ANKRD31: variants seen among roughly 807,000 people sequenced by gnomAD.
ANKRD31 encodes the protein ankyrin repeat domain-containing protein 31.
ANKRD31 carries 147 observed loss-of-function variants against 186.0 expected under a neutral mutation model. That is an observed-to-expected ratio of 0.79 (90% confidence interval 0.69 to 0.91). The LOEUF (loss-of-function observed/expected upper bound fraction) is 0.91. Ranked by LOEUF, ANKRD31 falls within the 40% of genes least tolerant of loss-of-function variation. The pLI is 0.00. For synonymous variants in ANKRD31, 673 were observed against 736.4 expected (o/e 0.91, Z 1.39); for missense variants, 1,986 against 2,148.8 (o/e 0.92, Z 1.50).
At chr5:75,205,590 A>G (rs1756126552) in intron 5 of ANKRD31, among the ~76,000 whole-genome samples, 1 of 152,234 alleles carries the variant, frequency 6.6e-6, no homozygotes, top group African/African-American at 2.4e-5. Flanking sequence ...AAACAATATT[A>G]AAGACCAAAC....
chr5:75,114,088 A>C (rs1471067330), intron 19 of ANKRD31, among the ~76,000 whole-genome samples: 2 of 152,196 alleles, frequency 1.3e-5, no homozygotes, highest in African/African-American at 4.8e-5. Context: ...TGTCCAACTA[A>C]GAATTTCAAT....
chr5:75,191,763 G>A (rs190598650), intron 9 of ANKRD31, among the ~76,000 whole-genome samples: 12 of 151,884 alleles, frequency 7.9e-5, no homozygotes, highest in East Asian at 1.9e-4. Context: ...AGTATGATAC[G>A]TTTCTTATTA....
At chr5:75,130,079 C>T (rs6871689) in intron 17 of ANKRD31, among the ~76,000 whole-genome samples, 31,167 of 152,034 alleles carry the variant, frequency 0.2, 3,415 homozygotes, top group South Asian at 0.39. Context: ...TTCTGATGTT[C>T]GGACGTGTCC....
intron 3 of ANKRD31, among the ~76,000 whole-genome samples, chr5:75,214,401 T>C (rs1488343408): frequency 6.6e-6 from 1 of 152,232 alleles, no homozygotes; most frequent in African/African-American, 2.4e-5. Context: ...AAGTATACCA[T>C]TGGCAGTAGT....
intron 21 of ANKRD31, 53 bp from the exon 22 acceptor site, chr5:75,105,271 A>C (rs60999484): frequency 2.1e-6 from 3 of 1,424,784 alleles, no homozygotes; most frequent in Non-Finnish European, 2.7e-6. Context: ...AAAACTTTTC[A>C]AAGCGGTCAC....
At chr5:75,099,069 G>C (rs1219076621) in intron 22 of ANKRD31, among the ~76,000 whole-genome samples, 1 of 152,058 alleles carries the variant, frequency 6.6e-6, no homozygotes, top group Non-Finnish European at 1.5e-5. Flanking sequence ...CTGTGGGTTT[G>C]TCATAAATAG....
intron 12 of ANKRD31, among the ~76,000 whole-genome samples, chr5:75,150,684 G>T (rs16872430): frequency 0.22 from 32,885 of 151,710 alleles, 3,731 homozygotes; most frequent in South Asian, 0.39. Context: ...GGTGAAGAGG[G>T]TATTCTGGAT....
At chr5:75,154,069 A>G in intron 12 of ANKRD31, 132 bp downstream of exon 12, 1 of 873,208 alleles carries the variant, frequency 1.1e-6, no homozygotes, top group East Asian at 3.0e-5. Flanking sequence ...TAACAGAATG[A>G]AGAAAAGACA....
chr5:75,147,624 C>G, intron 13 of ANKRD31, 119 bp from the exon 14 acceptor site: 1 of 810,928 alleles, frequency 1.2e-6, no homozygotes, highest in Non-Finnish European at 1.8e-6. Flanking sequence ...CTAATTCAAT[C>G]TAACCACAGA....
At chr5:75,174,292 G>T (rs1753592218) in intron 10 of ANKRD31, among the ~76,000 whole-genome samples, 2 of 152,082 alleles carry the variant, frequency 1.3e-5, no homozygotes, top group Non-Finnish European at 2.9e-5. Context: ...GAAAACCTAG[G>T]CAATACCATT....
At chr5:75,117,802 C>T (rs976980119) in intron 18 of ANKRD31, among the ~76,000 whole-genome samples, 11 of 152,016 alleles carry the variant, frequency 7.2e-5, no homozygotes, top group Non-Finnish European at 1.2e-4. Flanking sequence ...AGTATAATGT[C>T]GCCCTTTTCC....
intron 10 of ANKRD31, among the ~76,000 whole-genome samples, chr5:75,185,224 A>C (rs1399056158): frequency 6.6e-6 from 1 of 152,090 alleles, no homozygotes; most frequent in Non-Finnish European, 1.5e-5. Context: ...TGGGAGGGGA[A>C]AAATTAGGAA....
At chr5:75,201,233 T>C (rs919112655) in intron 5 of ANKRD31, among the ~76,000 whole-genome samples, 2 of 152,082 alleles carry the variant, frequency 1.3e-5, no homozygotes, top group African/African-American at 4.8e-5. Flanking sequence ...GCTATGAAAA[T>C]CAGTTAGGAG....
At chr5:75,165,392 T>C (rs561100349) in intron 11 of ANKRD31, among the ~76,000 whole-genome samples, 216 of 152,276 alleles carry the variant, frequency 1.4e-3, no homozygotes, top group Non-Finnish European at 2.7e-3. Flanking sequence ...ATATTGTAAG[T>C]ATATTAGATG....
chr5:75,102,868 C>G (rs900139846), intron 22 of ANKRD31, among the ~76,000 whole-genome samples: 1 of 152,110 alleles, frequency 6.6e-6, no homozygotes, highest in Non-Finnish European at 1.5e-5. Flanking sequence ...TTCCCGGACC[C>G]CTTGCACTTT....
chr5:75,126,294 T>C (rs4404659), intron 17 of ANKRD31, among the ~76,000 whole-genome samples: 76,850 of 151,846 alleles, frequency 0.51, 22,403 homozygotes, highest in African/African-American at 0.82. Flanking sequence ...ATACAAAAAT[T>C]AGGTGGGCAT....
Position 75,148,599 on chromosome 5 carries a change from T to C in ANKRD31, c.1882A>G (p.Ile628Val), listed in dbSNP as rs774631129. Reference protein sequence around the residue: ...AQRSSIDPLDIEDVYQHKKPK... With the variant: ...AQRSSIDPLDVEDVYQHKKPK... ...ACCTTGTGTTGGTACACATCCTCTATGTCTAGTGGGTCAATGCTACTCCTT... is the reference window on the plus strand; with the variant it reads ...ACCTTGTGTTGGTACACATCCTCTACGTCTAGTGGGTCAATGCTACTCCTT... The change falls in exon 13 of 26, where the codon ATA (isoleucine) becomes GTA (valine). Residue 628 changes from isoleucine (I) to valine (V), a missense_variant. Physicochemically the swap from Ile to Val is conservative, Grantham distance 29. Coordinates refer to ENST00000506364, the MANE Select transcript of ANKRD31 (RefSeq NM_001372053.1). 2 of 1,526,790 alleles carry C rather than the reference T, an allele frequency of 1.3e-6. No individual in the cohort carries two copies. The highest frequency in any genetic ancestry group is 1.8e-6 in the Non-Finnish European group (2 of 1,141,012). The allele number at this position is 1,526,790 out of a possible 1,614,324, so 94.6% of individuals were successfully genotyped here.
intron 11 of ANKRD31, among the ~76,000 whole-genome samples, chr5:75,158,992 T>C (rs1752395309): frequency 6.6e-6 from 1 of 151,992 alleles, no homozygotes; most frequent in Non-Finnish European, 1.5e-5. Context: ...AGAAAAAATA[T>C]GTTGATAATT....
At chr5:75,180,386 T>G (rs12514813) in intron 10 of ANKRD31, among the ~76,000 whole-genome samples, 76,721 of 151,896 alleles carry the variant, frequency 0.51, 22,309 homozygotes, top group African/African-American at 0.81. Flanking sequence ...AAAACTACTT[T>G]AAAGTTCATA....
Sources: allele counts gnomAD v4.1 joint callset (sites outside exome capture counted in the v4.1 genomes callset), GRCh38; gene constraint gnomAD v4.1.1; transcripts MANE v1.5; gene names NCBI Gene and HGNC (gene_info 2026-07-23, HGNC 2026-07-21).